Variants in MARCHF10 observed in about 807,000 individuals in gnomAD.
The protein encoded by MARCHF10 is membrane associated ring-CH-type finger 10.
In MARCHF10, 64 loss-of-function variants were observed where a neutral mutation model predicts 76.2. The observed-to-expected ratio is 0.84, with a 90% confidence interval of 0.69 to 1.03. The LOEUF (loss-of-function observed/expected upper bound fraction) is 1.03, where lower values mean the gene tolerates loss of function less well. Ranked by LOEUF, MARCHF10 falls within the 50% of genes least tolerant of loss-of-function variation. The probability of loss-of-function intolerance (pLI) is 0.00; values close to 1 mark genes in which losing one functional copy is unlikely to be tolerated. For synonymous variants in MARCHF10, 340 were observed against 357.5 expected (o/e 0.95, Z 0.55); for missense variants, 875 against 958.0 (o/e 0.91, Z 1.14).
chr17:62,737,388 G>A, intron 5 of MARCHF10, 56 bp from the exon 6 acceptor site: 1 of 1,536,410 alleles, frequency 6.5e-7, no homozygotes, highest in African/African-American at 1.4e-5. Flanking sequence ...TGGATGAAAG[G>A]CCTCTAGCAC....
At chr17:62,791,050 G>C (rs1318326635) in intron 2 of MARCHF10, among the ~76,000 whole-genome samples, 1 of 152,206 alleles carries the variant, frequency 6.6e-6, no homozygotes, top group Non-Finnish European at 1.5e-5. Context: ...ACTGGACTCT[G>C]TTTGTTTTAA....
intron 2 of MARCHF10, among the ~76,000 whole-genome samples, 186 bp from the exon 3 acceptor site, chr17:62,788,785 C>T (rs112551648): frequency 1.3e-5 from 2 of 151,698 alleles, no homozygotes; most frequent in South Asian, 2.1e-4. Flanking sequence ...CAGGTCAGGC[C>T]GGGCGCGGTG....
At chr17:62,722,952 CTT>C (rs533155265) in intron 7 of MARCHF10, among the ~76,000 whole-genome samples, 8 of 143,128 alleles carry the variant, frequency 5.6e-5, no homozygotes, top group Admixed American at 7.1e-5. Flanking sequence ...GACTATTCAG[CTT>C]TTTTTTTTTT....
chr17:62,701,767 CAAG>C lies in MARCHF10; in HGVS notation c.2372-12_2372-10del. 6.2e-7 allele frequency: 1 copy of C among 1,614,012 alleles called. No individual in the cohort carries two copies. On this transcript the variant is annotated splice_polypyrimidine_tract_variant and intron_variant, in intron 10 of 10. Coordinates refer to ENST00000311269, the MANE Select transcript of MARCHF10 (RefSeq NM_152598.4). The stretch of plus-strand genomic sequence containing the variant: ...ATCTCCCAACTCCGAATCTGGAAGG[CAAG>C]AAGGTGTTTCAGGCTGGAGGGCCGC...
rs1412811403 is a variant in MARCHF10 at position 62,711,697 on chromosome 17, C to T, written c.2215-353G>A. Among the ~76,000 whole-genome samples, 1 of 152,186 alleles carries T rather than the reference C, an allele frequency of 6.6e-6. No individual in the cohort carries two copies. The highest frequency in any genetic ancestry group is 1.9e-4 in the East Asian group (1 of 5,190). ...AGCCTCAGAACTCCCTGCTGGGAACCGATCACCTGGTGTGGGGGAGAGAGC... is the reference window on the plus strand; with the variant it reads ...AGCCTCAGAACTCCCTGCTGGGAACTGATCACCTGGTGTGGGGGAGAGAGC... On this transcript the variant is annotated intron_variant, in intron 8 of 10. Coordinates refer to ENST00000311269, the MANE Select transcript of MARCHF10 (RefSeq NM_152598.4). This position sits in a 1 kb window ranked among gnomAD's most constrained non-coding sequence, Gnocchi z 4.4.
intron 2 of MARCHF10, among the ~76,000 whole-genome samples, chr17:62,801,063 G>A (rs2093063260): frequency 1.3e-5 from 2 of 150,422 alleles, no homozygotes; most frequent in Admixed American, 1.3e-4. Flanking sequence ...GCTCCATGCC[G>A]AAAACTGAGG....
At chr17:62,765,376 A>C (rs1353746580) in intron 3 of MARCHF10, among the ~76,000 whole-genome samples, 2 of 137,470 alleles carry the variant, frequency 1.5e-5, no homozygotes, top group Non-Finnish European at 3.2e-5. Flanking sequence ...AAAAAAAAAA[A>C]AGATGCCTTT....
intron 4 of MARCHF10, among the ~76,000 whole-genome samples, chr17:62,754,454 T>C (rs1056224064): frequency 5.3e-5 from 8 of 152,098 alleles, no homozygotes; most frequent in African/African-American, 1.7e-4. Flanking sequence ...CCTGGAGTAG[T>C]TGGCGGTGTT....
intron 9 of MARCHF10, among the ~76,000 whole-genome samples, chr17:62,709,232 C>T (rs1401817493): frequency 6.6e-6 from 1 of 152,212 alleles, no homozygotes; most frequent in African/African-American, 2.4e-5. Flanking sequence ...GTAATCCCAG[C>T]ACTTTGGGAG....
intron 3 of MARCHF10, among the ~76,000 whole-genome samples, chr17:62,767,693 C>T (rs2092364768): frequency 6.6e-6 from 1 of 152,226 alleles, no homozygotes; most frequent in Non-Finnish European, 1.5e-5. Flanking sequence ...TCAAGTGATC[C>T]ACCTGCCTCA....
chr17:62,713,380 C>A (rs1330943074), intron 8 of MARCHF10, among the ~76,000 whole-genome samples: 1 of 152,144 alleles, frequency 6.6e-6, no homozygotes, highest in Non-Finnish European at 1.5e-5. Flanking sequence ...CTCAATAAGG[C>A]CCAGAGGCAT....
At position 62,712,818 on chromosome 17, in the gene MARCHF10, C is replaced by G. The variant is rs2089998839; in HGVS notation, c.2215-1474G>C. ...GGAGTGCAATGGCGTGATCTCGGCT[C>G]ACTGCAACCTCCACCTCCCAGGTTC... On this transcript the variant is annotated intron_variant, in intron 8 of 10. Transcript: ENST00000311269. This position sits in a 1 kb window ranked among gnomAD's most constrained non-coding sequence, Gnocchi z 4.2. Among the ~76,000 whole-genome samples, 1 of 152,172 alleles carries G rather than the reference C, an allele frequency of 6.6e-6. No individual in the cohort carries two copies. The highest frequency in any genetic ancestry group is 1.5e-5 in the Non-Finnish European group (1 of 68,026).
At chr17:62,760,622 G>A (rs568830012) in intron 3 of MARCHF10, among the ~76,000 whole-genome samples, 39 of 152,276 alleles carry the variant, frequency 2.6e-4, no homozygotes, top group African/African-American at 8.4e-4. Flanking sequence ...CAGCCATGCC[G>A]ACGCAATAAA....
At chr17:62,802,375 A>G (rs1319290584) in intron 1 of MARCHF10, among the ~76,000 whole-genome samples, 3 of 151,878 alleles carry the variant, frequency 2.0e-5, no homozygotes, top group African/African-American at 7.3e-5. Context: ...ACCTGCCACC[A>G]CGCCTGGCTA....
chr17:62,798,950 T>A (rs2093030366), intron 2 of MARCHF10, among the ~76,000 whole-genome samples: 1 of 152,144 alleles, frequency 6.6e-6, no homozygotes, highest in Admixed American at 6.5e-5. Flanking sequence ...CTAGATGGTG[T>A]GTAGCCTGGA....
chr17:62,722,746 G>A (rs1378820258), intron 7 of MARCHF10, 149 bp from the exon 8 acceptor site: 1 of 608,014 alleles, frequency 1.6e-6, no homozygotes, highest in African/African-American at 1.9e-5. Flanking sequence ...ATCTTCTGTA[G>A]AAAATGACCT....
chr17:62,737,825 C>T (rs2091341480), intron 5 of MARCHF10: 1 of 154,376 alleles, frequency 6.5e-6, no homozygotes, highest in Non-Finnish European at 1.4e-5. Context: ...CTTGGCAGAT[C>T]AGGAGGAAGG....
chr17:62,754,736 T>A (rs1284488068), intron 4 of MARCHF10, among the ~76,000 whole-genome samples: 1 of 152,070 alleles, frequency 6.6e-6, no homozygotes, highest in African/African-American at 2.4e-5. Flanking sequence ...ATAGAGAATA[T>A]GATTCTCTAT....
intron 4 of MARCHF10, among the ~76,000 whole-genome samples, chr17:62,749,254 T>G (rs1323957644): frequency 6.6e-6 from 1 of 152,178 alleles, no homozygotes; most frequent in African/African-American, 2.4e-5. Flanking sequence ...CCCTGACAAG[T>G]GAGAACCAAG....
Sources: allele counts gnomAD v4.1 joint callset (sites outside exome capture counted in the v4.1 genomes callset), GRCh38; gene constraint gnomAD v4.1.1; non-coding constraint Gnocchi (gnomAD v3.1); transcripts MANE v1.5; gene names NCBI Gene and HGNC (gene_info 2026-07-23, HGNC 2026-07-21).